SLC7A3: variants seen among roughly 807,000 people sequenced by gnomAD.
The protein encoded by SLC7A3 is solute carrier family 7 member 3, also known as cationic amino acid transporter 3.
A neutral mutation model predicts 33.2 loss-of-function variants in SLC7A3; 3 were observed. The ratio of observed to expected loss-of-function variants is 0.09; its 90% CI spans 0.04 to 0.23. The LOEUF is 0.23. Among genes scored for constraint, SLC7A3 ranks in the 10% least tolerant of loss-of-function variants. SLC7A3 has a pLI of 1.00. For missense variants in SLC7A3, 360 were observed against 488.8 expected (o/e 0.74, Z 2.48); for synonymous variants, 193 against 195.1 (o/e 0.99, Z 0.09).
In SLC7A3 at chrX:70,927,984, A is replaced by G. The variant is rs1342156193; in HGVS notation, c.857T>C (p.Met286Thr). 3 of 1,209,843 alleles carry G rather than the reference A, an allele frequency of 2.5e-6. No homozygotes were observed. The highest frequency in any genetic ancestry group is 3.5e-5 in the African/African-American group (2 of 57,211). The change falls in exon 6 of 12, where the codon ATG becomes ACG. Residue 286 changes from methionine (M) to threonine (T), a missense_variant. Physicochemically the swap from Met to Thr is moderately conservative, Grantham distance 81. Coordinates refer to ENST00000374299, the MANE Select transcript of SLC7A3 (RefSeq NM_032803.6). ...GACAGACAGTGAGATCACAATGCCC[A>G]TCGGGATGGAACGCTGGGGATTCTG... ...EAQNPQRSIP[M>T]GIVISLSVCF...
intron 5 of SLC7A3, 46 bp from the exon 6 acceptor site, chrX:70,928,066 C>T (rs372130297): frequency 1.6e-5 from 19 of 1,182,581 alleles, no homozygotes; most frequent in Admixed American, 2.2e-5. Flanking sequence ...CAGGCCCACT[C>T]CTCTACCACC....
In SLC7A3 at chrX:70,926,546, G is replaced by T. The variant is rs1432261630; in HGVS notation, c.1601C>A (p.Ser534Tyr). Residue 534 changes from serine to tyrosine, a missense_variant, in exon 10 of 12, where the codon TCC becomes TAC. Coordinates refer to ENST00000374299, the MANE Select transcript of SLC7A3 (RefSeq NM_032803.6). The stretch of plus-strand genomic sequence containing the variant: ...ATTTACCTTAAAGTGAAGGGGAGTG[G>T]AACTCTGTGGCTGTCTCCAGATGAC... Reference protein sequence around the residue: ...IVVIWRQPQSSTPLHFKVPAL... With the variant: ...IVVIWRQPQSYTPLHFKVPAL... 1 of 1,199,217 alleles carries T rather than the reference G, an allele frequency of 8.3e-7. No individual in the cohort carries two copies. The highest frequency in any genetic ancestry group is 1.8e-5 in the South Asian group (1 of 54,561).
In SLC7A3 at chrX:70,927,534, G is replaced by A; in HGVS notation, c.1133C>T (p.Thr378Ile). 8.3e-7 allele frequency: 1 copy of A among 1,211,235 alleles called. No individual in the cohort carries two copies. The highest frequency in any genetic ancestry group is 1.1e-6 in the Non-Finnish European group (1 of 895,333). ...LLFRVLARIH[T>I]GTRTPIIATV... ...GGCTATGATTGGGGTGCGTGTGCCG[G>A]TGTGGATCCGAGCAAGTACACGGAA... is the stretch of plus-strand genomic sequence containing the variant. Residue 378 changes from threonine to isoleucine, a missense_variant, in exon 7 of 12, where the codon ACC (threonine) becomes ATC (isoleucine). By Grantham distance (89) the Thr-to-Ile change is moderately conservative. Coordinates refer to ENST00000374299, the MANE Select transcript of SLC7A3 (RefSeq NM_032803.6).
Position 70,925,779 on chromosome X carries a change from G to C in SLC7A3, c.*34C>G. The C allele has an allele frequency of 8.3e-7, 1 of 1,208,638 alleles. No individual in the cohort carries two copies. Among genetic ancestry groups the C allele is most frequent in the Middle Eastern group, 2.6e-4 (1 of 3,789 alleles). On this transcript the variant is annotated 3_prime_UTR_variant, in exon 12 of 12. Transcript: ENST00000374299. ...GGTCAGGAGTACTCTCCATTATTGT[G>C]CAGGGGACCAGACAGCATTTAGGTG...
chrX:70,925,624 G>C lies in SLC7A3; in HGVS notation c.*189C>G. On this transcript the variant is annotated 3_prime_UTR_variant, in exon 12 of 12. Transcript: ENST00000374299. Reference sequence around the variant, plus strand: ...TAATATCATTTTTTAAAGTTGGTAAGCAGCTAGACATCATTTAGAAGCAGA... The same window carrying C: ...TAATATCATTTTTTAAAGTTGGTAACCAGCTAGACATCATTTAGAAGCAGA... The C allele has an allele frequency of 1.2e-5, 5 of 407,201 alleles. No homozygotes were observed. Among genetic ancestry groups the C allele is most frequent in the Non-Finnish European group, 2.0e-5 (5 of 244,716 alleles). The allele number at this position is 407,201 out of a possible 1,213,427, so 33.6% of individuals were successfully genotyped here. A position where few individuals can be genotyped will look rare whatever the true frequency, so the allele number is the denominator to read the frequency against.
chrX:70,928,138 G>A lies in SLC7A3; in HGVS notation c.820+7C>T. 8.3e-7 allele frequency: 1 copy of A among 1,200,462 alleles called. No individual in the cohort carries two copies. Among genetic ancestry groups the A allele is most frequent in the Non-Finnish European group, 1.1e-6 (1 of 885,417 alleles). ...AAGCCCCAAACAGAATGGAATGACT[G>A]TGTTACCAGTGGTAGCAATACAGTC... is the stretch of plus-strand genomic sequence containing the variant. On this transcript the variant is annotated splice_region_variant and intron_variant, in intron 5 of 11. Transcript: ENST00000374299.
At chrX:70,930,652 C>T (rs1166173737) in intron 1 of SLC7A3, among the ~76,000 whole-genome samples, 2 of 112,385 alleles carry the variant, frequency 1.8e-5, no homozygotes, top group Non-Finnish European at 3.8e-5. Context: ...AACAGCGAGG[C>T]GGGGCTTCGA....
rs756632457 is a variant in SLC7A3 at position 70,928,510 on chromosome X, T to C, written c.653A>G (p.Lys218Arg). 2 of 1,205,986 alleles carry C rather than the reference T, an allele frequency of 1.7e-6. No homozygotes were observed. Among genetic ancestry groups the C allele is most frequent in the Admixed American group, 4.4e-5 (2 of 45,332 alleles). ...CAATTCGTAGTCCTCTTCTGTGAGC[T>C]TCCAGTTGTGCACGTCCCCCTTAAC... Reference protein sequence around the residue: ...GFVKGDVHNWKLTEEDYELAM... With the variant: ...GFVKGDVHNWRLTEEDYELAM... The change falls in exon 4 of 12, where the codon AAG becomes AGG. Residue 218 changes from lysine (K) to arginine (R), a missense_variant. Lys to Arg is a conservative substitution (Grantham distance 26, BLOSUM62 2). Transcript: ENST00000374299.
Position 70,928,182 on chromosome X carries a change from G to C in SLC7A3, c.783C>G (p.Phe261Leu), listed in dbSNP as rs984232381. ...TACAGTCGAAACCAACAAATGCATA[G>C]AAACAGGTCGCTGCTCCACGGAGAA... ...EGILRGAATC[F>L]YAFVGFDCIA... The change falls in exon 5 of 12, where the codon TTC becomes TTG. Residue 261 changes from phenylalanine to leucine, a missense_variant. Phe to Leu is a conservative substitution (Grantham distance 22, BLOSUM62 0). Coordinates refer to ENST00000374299, the MANE Select transcript of SLC7A3 (RefSeq NM_032803.6). The C allele has an allele frequency of 8.3e-7, 1 of 1,211,445 alleles. No individual in the cohort carries two copies. Among genetic ancestry groups the C allele is most frequent in the Non-Finnish European group, 1.1e-6 (1 of 895,340 alleles).
At position 70,928,918 on chromosome X, in the gene SLC7A3, A is replaced by G. The variant is rs756706577; in HGVS notation, c.455T>C (p.Ile152Thr). ...NHISKTLQGS[I>T]ALHVPHVLAE... Reference sequence around the variant, plus strand: ...AAGGACATGGGGCACGTGCAGTGCAATGGACCCCTGCAGAGTCTTAGAGAT... The same window carrying G: ...AAGGACATGGGGCACGTGCAGTGCAGTGGACCCCTGCAGAGTCTTAGAGAT... Residue 152 changes from isoleucine (I) to threonine (T), a missense_variant, in exon 3 of 12, where the codon ATT (isoleucine) becomes ACT (threonine). Transcript: ENST00000374299. 3.3e-6 allele frequency: 4 copies of G among 1,210,704 alleles called. No homozygotes were observed. Among genetic ancestry groups the G allele is most frequent in the Middle Eastern group, 2.3e-4 (1 of 4,353 alleles).
chrX:70,926,926 T>TG lies in SLC7A3; in HGVS notation c.1401dup (p.Ile468HisfsTer73). The stretch of plus-strand genomic sequence containing the variant: ...ATTTGGCCAGAGAGTGGAGTGGGGA[T>TG]GGAGTTGAGTGGGAAAAATAGTCCC... On this transcript the variant is annotated frameshift_variant, in exon 9 of 12. Transcript: ENST00000374299. LOFTEE classifies it high-confidence loss of function. The TG allele has an allele frequency of 8.3e-7, 1 of 1,211,116 alleles. No homozygotes were observed. The highest frequency in any genetic ancestry group is 1.1e-6 in the Non-Finnish European group (1 of 895,384).
intron 5 of SLC7A3, 22 bp downstream of exon 5, chrX:70,928,123 C>A: frequency 8.3e-7 from 1 of 1,202,235 alleles, no homozygotes. Context: ...AAGCCCCAAA[C>A]AGAATGGAAT....
In SLC7A3 at chrX:70,929,993, G is replaced by A. The variant is rs149506381; in HGVS notation, c.5C>T (p.Pro2Leu). MPWQAFRRFGQK... is the reference protein window; with the variant it reads MLWQAFRRFGQK... ...ACCAAATCTGCGAAATGCTTGCCAC[G>A]GCATCCTAGCAGGAATTGAAGAAGA... Residue 2 changes from proline (P) to leucine (L), a missense_variant, in exon 2 of 12, where the codon CCG (proline) becomes CTG (leucine). Pro to Leu is a moderately conservative substitution (Grantham distance 98). Coordinates refer to ENST00000374299, the MANE Select transcript of SLC7A3 (RefSeq NM_032803.6). 53 of 1,194,877 alleles carry A rather than the reference G, an allele frequency of 4.4e-5. No homozygotes were observed. Among genetic ancestry groups the A allele is most frequent in the East Asian group, 2.7e-4 (9 of 33,433 alleles).
rs746647037 is a variant in SLC7A3, at chrX:70,928,537, A to C, written c.626T>G (p.Phe209Cys). Reference sequence around the variant, plus strand: ...CCAGTTGTGCACGTCCCCCTTAACGAAGCCAGAGATCATGACGAACCCAAG... The same window carrying C: ...CCAGTTGTGCACGTCCCCCTTAACGCAGCCAGAGATCATGACGAACCCAAG... ...LVLGFVMISG[F>C]VKGDVHNWKL... is the part of the protein sequence containing the mutation. Residue 209 changes from phenylalanine to cysteine, a missense_variant, in exon 4 of 12, where the codon TTC (phenylalanine) becomes TGC (cysteine). Phe to Cys is a radical substitution (Grantham distance 205, BLOSUM62 -2). Transcript: ENST00000374299. 1.2e-4 allele frequency: 144 copies of C among 1,204,397 alleles called. No homozygotes were observed. The highest frequency in any genetic ancestry group is 4.9e-4 in the Admixed American group (22 of 45,012).
In SLC7A3 at chrX:70,927,860, G is replaced by A; in HGVS notation, c.981C>T (p.Tyr327=). 8.3e-7 allele frequency: 1 copy of A among 1,200,076 alleles called. No homozygotes were observed. The highest frequency in any genetic ancestry group is 1.1e-6 in the Non-Finnish European group (1 of 889,470). Residue 327 remains tyrosine, a synonymous_variant, in exon 6 of 12, where the codon TAC becomes TAT. Coordinates refer to ENST00000374299, the MANE Select transcript of SLC7A3 (RefSeq NM_032803.6). ...CATAGCGGGCAGGAGCCCATCCAAT[G>A]TAGAGAAATGCCTCAGGCAAAGGGC... is the stretch of plus-strand genomic sequence containing the variant. The part of the protein sequence containing the change: ...PESPLPEAFL[Y]IGWAPARYVV...
At chrX:70,927,212 G>T in intron 8 of SLC7A3, 70 bp downstream of exon 8, 1 of 1,103,345 alleles carries the variant, frequency 9.1e-7, no homozygotes, top group South Asian at 1.9e-5. Context: ...GAGGAAAGAG[G>T]AGCAGATCTC....
chrX:70,927,058 A>G lies in SLC7A3; in HGVS notation c.1287-17T>C. The G allele has an allele frequency of 8.4e-7, 1 of 1,196,375 alleles. No individual in the cohort carries two copies. On this transcript the variant is annotated splice_polypyrimidine_tract_variant and intron_variant, in intron 8 of 11. Coordinates refer to ENST00000374299, the MANE Select transcript of SLC7A3 (RefSeq NM_032803.6). ...GGTTGATACCTGAGGCAAAAGTAAG[A>G]TGGCAGTATTAAGAACAACCTTTAC...
In SLC7A3 at chrX:70,927,857, A is replaced by C. The variant is rs755097805; in HGVS notation, c.984T>G (p.Ile328Met). 1 of 1,198,618 alleles carries C rather than the reference A, an allele frequency of 8.3e-7. No homozygotes were observed. Among genetic ancestry groups the C allele is most frequent in the Admixed American group, 2.3e-5 (1 of 43,748 alleles). The change falls in exon 6 of 12, where the codon ATT (isoleucine) becomes ATG (methionine). Residue 328 changes from isoleucine to methionine, a missense_variant. Transcript: ENST00000374299. ...ESPLPEAFLY[I>M]GWAPARYVVA... ...CAACATAGCGGGCAGGAGCCCATCC[A>C]ATGTAGAGAAATGCCTCAGGCAAAG...
chrX:70,928,767 C>G (rs1222635310), intron 3 of SLC7A3, 77 bp downstream of exon 3: 5 of 1,165,410 alleles, frequency 4.3e-6, no homozygotes, highest in African/African-American at 1.8e-5. Context: ...AGGCCCATCC[C>G]CCATCCTTAT....
Sources: allele counts gnomAD v4.1 joint callset (sites outside exome capture counted in the v4.1 genomes callset), GRCh38; gene constraint gnomAD v4.1.1; transcripts MANE v1.5; gene names NCBI Gene and HGNC (gene_info 2026-07-23, HGNC 2026-07-21).